The following PDXDC1 variants were observed in gnomAD, a reference collection of about 807,000 sequenced individuals.
PDXDC1 encodes pyridoxal dependent decarboxylase domain containing 1.
In PDXDC1, 42 loss-of-function variants were observed where a neutral mutation model predicts 100.1. That is an observed-to-expected ratio of 0.42 (90% confidence interval 0.33 to 0.54). The LOEUF (loss-of-function observed/expected upper bound fraction) is 0.54. Among genes scored for constraint, PDXDC1 ranks in the 20% least tolerant of loss-of-function variants. The probability of loss-of-function intolerance (pLI) is 0.10; values close to 1 mark genes in which losing one functional copy is unlikely to be tolerated. For synonymous variants in PDXDC1, 260 were observed against 371.7 expected (o/e 0.70, Z 3.46); for missense variants, 636 against 979.2 (o/e 0.65, Z 4.68).
At chr16:15,065,277 G>T (rs758032831) in intron 16 of PDXDC1, 2 of 1,613,888 alleles carry the variant, frequency 1.2e-6, no homozygotes, top group Non-Finnish European at 1.7e-6. Flanking sequence ...GTGCAGATCT[G>T]CACTGAGTCT....
chr16:15,029,670 C>T, intron 15 of PDXDC1: 1 of 539,010 alleles, frequency 1.9e-6, no homozygotes, highest in South Asian at 3.0e-5. Context: ...GACCACATGT[C>T]AGCAGTGGGT....
chr16:15,088,254 C>T (rs1384239835), intron 16 of PDXDC1, among the ~76,000 whole-genome samples: 1 of 152,114 alleles, frequency 6.6e-6, no homozygotes, highest in Non-Finnish European at 1.5e-5. Context: ...CAGGAGGAGA[C>T]TGCTTGAGCC....
intron 16 of PDXDC1, among the ~76,000 whole-genome samples, chr16:15,129,281 G>T (rs1323310144): frequency 6.6e-6 from 1 of 150,718 alleles, no homozygotes; most frequent in Non-Finnish European, 1.5e-5. Context: ...GGCTGACACG[G>T]TGAAAAATTA....
At chr16:15,096,114 T>C (rs544256512) in intron 16 of PDXDC1, among the ~76,000 whole-genome samples, 1 of 152,042 alleles carries the variant, frequency 6.6e-6, no homozygotes, top group East Asian at 1.9e-4. Context: ...TTTTTGTTTT[T>C]TGTTTTTTTT....
At chr16:15,059,282 C>T (rs1180499097) in intron 16 of PDXDC1, among the ~76,000 whole-genome samples, 2 of 152,076 alleles carry the variant, frequency 1.3e-5, no homozygotes, top group Admixed American at 6.5e-5. Context: ...AAGCACTGCC[C>T]GGCAAGGGAA....
intron 16 of PDXDC1, among the ~76,000 whole-genome samples, chr16:15,073,801 T>TA (rs2045339981): frequency 1.3e-5 from 2 of 152,262 alleles, no homozygotes; most frequent in East Asian, 1.9e-4. Flanking sequence ...CTTTTTTTTT[T>TA]AGAGATGGGG....
chr16:15,068,895 A>G (rs1300374423), intron 16 of PDXDC1, among the ~76,000 whole-genome samples: 2 of 152,220 alleles, frequency 1.3e-5, no homozygotes, highest in East Asian at 1.9e-4. Context: ...GTACTTAAGT[A>G]TATTTTCTTA....
chr16:14,982,279 A>G (rs1968168278), intron 1 of PDXDC1, among the ~76,000 whole-genome samples: 1 of 152,426 alleles, frequency 6.6e-6, no homozygotes, highest in Admixed American at 6.5e-5. Flanking sequence ...CGTAGAGACC[A>G]TGATGGTTAA....
chr16:15,054,668 CCTTCAGA>C (rs1189126556), intron 16 of PDXDC1, among the ~76,000 whole-genome samples: 2 of 152,114 alleles, frequency 1.3e-5, no homozygotes, highest in African/African-American at 4.8e-5. Flanking sequence ...TCCTTGTCAC[CCTTCAGA>C]ACACGTTCAG....
In PDXDC1 at chr16:15,035,435, C is replaced by G; in HGVS notation, c.2003-14C>G. Reference sequence around the variant, plus strand: ...GTGCCTGTAGCTTCTACCCAGCCCTCTCCTCTCCCGCAGGCTCTCTGGAGT... The same window carrying G: ...GTGCCTGTAGCTTCTACCCAGCCCTGTCCTCTCCCGCAGGCTCTCTGGAGT... On this transcript the variant is annotated splice_polypyrimidine_tract_variant and intron_variant, in intron 21 of 22. Coordinates refer to ENST00000396410, the MANE Select transcript of PDXDC1 (RefSeq NM_015027.4). The G allele has an allele frequency of 1.3e-6, 2 of 1,564,282 alleles. No homozygotes were observed. The highest frequency in any genetic ancestry group is 1.1e-5 in the South Asian group (1 of 87,626).
intron 16 of PDXDC1, among the ~76,000 whole-genome samples, chr16:15,123,065 AT>A (rs1354463137): frequency 1.3e-5 from 2 of 150,714 alleles, no homozygotes; most frequent in African/African-American, 2.4e-5. Flanking sequence ...CTTAGGAGCA[AT>A]TAGAGGGAGA....
At position 15,073,044 on chromosome 16, in the gene PDXDC1, C is replaced by T. The variant is rs202026016; in HGVS notation, c.1399+42988C>T. 12 of 1,612,294 alleles carry T rather than the reference C, an allele frequency of 7.4e-6. No homozygotes were observed. The highest frequency in any genetic ancestry group is 2.2e-5 in the East Asian group (1 of 44,882). Reference sequence around the variant, plus strand: ...TTTGTCAAAGATGTTTATCAGGTCGCGATATAGATCCTTTGTTTTGCCGTT... The same window carrying T: ...TTTGTCAAAGATGTTTATCAGGTCGTGATATAGATCCTTTGTTTTGCCGTT... On this transcript the variant is annotated intron_variant, in intron 16 of 16. Coordinates refer to the PDXDC1 transcript ENST00000535621.
chr16:15,097,495 T>C (rs539075324), intron 16 of PDXDC1, among the ~76,000 whole-genome samples: 145 of 125,958 alleles, frequency 1.2e-3, no homozygotes, highest in African/African-American at 4.1e-3. Flanking sequence ...AAAAAAAATG[T>C]GCCGGGCGTG....
At chr16:14,988,800 ACCATGC>A (rs1970014170) in intron 1 of PDXDC1, 1 of 1,613,838 alleles carries the variant, frequency 6.2e-7, no homozygotes, top group Admixed American at 1.7e-5. Flanking sequence ...GAAGCTGAGC[ACCATGC>A]CCTGCAGGAT....
intron 16 of PDXDC1, chr16:15,085,756 A>G (rs113025117): frequency 0.011 from 17,607 of 1,605,444 alleles, 126 homozygotes; most frequent in Middle Eastern, 0.035. Context: ...ATGAATGGCT[A>G]TACAAAAAAA....
At chr16:15,131,086 C>A (rs761656001) in intron 16 of PDXDC1, 6 of 1,606,152 alleles carry the variant, frequency 3.7e-6, no homozygotes, top group African/African-American at 1.3e-5. Context: ...GCTGCACGCA[C>A]CGTCCAGCAG....
rs560557291 is a variant in PDXDC1 at position 15,036,256 on chromosome 16, G to C, written c.2348G>C (p.Gly783Ala). Residue 783 changes from glycine to alanine, a missense_variant, in exon 23 of 23, where the codon GGA (glycine) becomes GCA (alanine). Around this residue, in one of 4 missense-constraint regions of PDXDC1, gnomAD observed 452 missense variants for 402.9 expected, o/e 1.12. Transcript: ENST00000396410. ...GAAGATGACCACTCACAGGTAGAAG[G>C]ACCGGAGAGCTTAAGATGAGACTCA... ...HPEDDHSQVEGPESLR is the reference protein window; with the variant it reads ...HPEDDHSQVEAPESLR 4.3e-6 allele frequency: 7 copies of C among 1,613,990 alleles called. No homozygotes were observed. Among genetic ancestry groups the C allele is most frequent in the Non-Finnish European group, 5.9e-6 (7 of 1,179,898 alleles).
chr16:15,068,892 A>C (rs536586731), intron 16 of PDXDC1, among the ~76,000 whole-genome samples: 1 of 152,236 alleles, frequency 6.6e-6, no homozygotes, highest in Non-Finnish European at 1.5e-5. Flanking sequence ...CTTGTACTTA[A>C]GTATATTTTC....
chr16:15,124,604 G>C (rs76222687), intron 16 of PDXDC1, among the ~76,000 whole-genome samples: 81,517 of 143,088 alleles, frequency 0.57, 26,152 homozygotes, highest in Non-Finnish European at 0.69. Context: ...GAAACCCTGT[G>C]TCTAATAAAA....
Sources: gnomAD v4.1 joint callset for allele counts (sites outside exome capture counted in the v4.1 genomes callset) on GRCh38, gnomAD v4.1.1 for gene constraint, gnomAD v4.1.1 regional missense constraint, MANE v1.5 for transcripts, NCBI Gene and HGNC (gene_info 2026-07-23, HGNC 2026-07-21) for gene names.